The following SOCS5 variants were observed in gnomAD, a reference collection of about 807,000 sequenced individuals.
The protein encoded by SOCS5 is suppressor of cytokine signaling 5, also known as CIS-6.
Under a neutral mutation model 42.8 loss-of-function variants are expected in SOCS5, and 32 were observed. That is an observed-to-expected ratio of 0.75 (90% CI 0.56 to 1.01). The LOEUF (loss-of-function observed/expected upper bound fraction) is 1.01. Among genes scored for constraint, SOCS5 ranks in the 50% least tolerant of loss-of-function variants. The pLI is 0.00. For synonymous variants in SOCS5, 283 were observed against 229.6 expected, an observed-to-expected ratio of 1.23 and a Z score of -2.10; for missense variants, 627 against 653.0, an observed-to-expected ratio of 0.96 and a Z score of 0.43.
intron 1 of SOCS5, among the ~76,000 whole-genome samples, chr2:46,726,738 A>AATTATTATTATT (rs111456718): frequency 0.013 from 1,850 of 145,458 alleles, 40 homozygotes; most frequent in African/African-American, 0.044. Flanking sequence ...TTCAGTTCTA[A>AATTATTATTATT]ATTATTATTA....
At position 46,758,617 on chromosome 2, in the gene SOCS5, T is replaced by C. The variant is rs780324946; in HGVS notation, c.87T>C (p.Asn29=). Residue 29 remains asparagine (N), a synonymous_variant, in exon 2 of 2, where the codon AAT becomes AAC. Transcript: ENST00000394861. ...FGHEGGSRSE[N]VDMNSNRCLS... The stretch of plus-strand genomic sequence containing the variant: ...ATGAGGGAGGAAGCCGTAGTGAAAA[T>C]GTGGACATGAACTCCAACAGATGTT... 28 of 1,613,814 alleles carry C rather than the reference T, an allele frequency of 1.7e-5. No homozygotes were observed. The highest frequency in any genetic ancestry group is 2.3e-5 in the Non-Finnish European group (27 of 1,179,862).
chr2:46,718,805 A>G (rs1160055789), intron 1 of SOCS5, among the ~76,000 whole-genome samples: 1 of 152,188 alleles, frequency 6.6e-6, no homozygotes, highest in Non-Finnish European at 1.5e-5. Flanking sequence ...TAGGTCTCTC[A>G]CATAGAAAAG....
In SOCS5 at chr2:46,760,760, T is replaced by C. The variant is rs1289577298; in HGVS notation, c.*619T>C. On this transcript the variant is annotated 3_prime_UTR_variant, in exon 2 of 2. Transcript: ENST00000394861. Reference sequence around the variant, plus strand: ...AACCAGATTTTCTAAATAGGCATTCTTAAAATTTCAGACTTACAAAGCTAG... The same window carrying C: ...AACCAGATTTTCTAAATAGGCATTCCTAAAATTTCAGACTTACAAAGCTAG... 1 of 167,152 alleles carries C rather than the reference T, an allele frequency of 6.0e-6. No individual in the cohort carries two copies. The highest frequency in any genetic ancestry group is 2.4e-5 in the African/African-American group (1 of 41,466). 10.4% of individuals were successfully genotyped at this position (167,152 alleles called of 1,614,324 possible). A position where few individuals can be genotyped will look rare whatever the true frequency, so the allele number is the denominator to read the frequency against.
intron 1 of SOCS5, among the ~76,000 whole-genome samples, chr2:46,726,310 C>G (rs1672988165): frequency 1.3e-5 from 2 of 152,010 alleles, no homozygotes; most frequent in Non-Finnish European, 2.9e-5. Context: ...ACTGGCCAGA[C>G]TGATCTAAAA....
rs1369453022 is a variant in SOCS5, at chr2:46,699,366, C to T, written c.-96C>T. On this transcript the variant is annotated 5_prime_UTR_variant, in exon 1 of 2. Transcript: ENST00000394861. The surrounding 1 kb of genome is among the most constrained non-coding windows in gnomAD (Gnocchi z 4.8). ...GGACGCACCGGAGGGCAGGCGGACT[C>T]GCCCTGTCGGTGACTGCGCCGTCCG... 2 of 152,022 alleles carry T rather than the reference C, an allele frequency of 1.3e-5. No homozygotes were observed. Among genetic ancestry groups the T allele is most frequent in the East Asian group, 1.9e-4 (1 of 5,182 alleles). 9.4% of individuals were successfully genotyped at this position (152,022 alleles called of 1,614,324 possible).
At position 46,759,238 on chromosome 2, in the gene SOCS5, T is replaced by C; in HGVS notation, c.708T>C (p.His236=). ...AAAAATGGCATTTGATTAAACAGCA[T>C]ACAGCTCCTGTGAGCCCACATTCAA... The part of the protein sequence containing the change: ...LAQKWHLIKQ[H]TAPVSPHSTF... The change falls in exon 2 of 2, where the codon CAT becomes CAC. Residue 236 remains histidine (H), a synonymous_variant. Transcript: ENST00000394861. The C allele has an allele frequency of 6.2e-7, 1 of 1,614,000 alleles. No individual in the cohort carries two copies. Among genetic ancestry groups the C allele is most frequent in the Non-Finnish European group, 8.5e-7 (1 of 1,179,858 alleles).
In SOCS5 at chr2:46,759,419, T is replaced by C. The variant is rs376047819; in HGVS notation, c.889T>C (p.Tyr297His). The change falls in exon 2 of 2, where the codon TAT (tyrosine) becomes CAT (histidine). Residue 297 changes from tyrosine to histidine, a missense_variant. By Grantham distance (83) the Tyr-to-His change is moderately conservative. Around this residue, in one of 3 missense-constraint regions of SOCS5, gnomAD observed 340 missense variants for 367.6 expected, o/e 0.92. Transcript: ENST00000394861. ...AGCTACTGCACAGGTTAATCCATTA[T>C]ATAAACTGGGACCAAAATTAGCTCC... Reference protein sequence around the residue: ...FEATAQVNPLYKLGPKLAPGM... With the variant: ...FEATAQVNPLHKLGPKLAPGM... The C allele has an allele frequency of 2.5e-6, 4 of 1,613,856 alleles. No individual in the cohort carries two copies. The highest frequency in any genetic ancestry group is 3.4e-6 in the Non-Finnish European group (4 of 1,179,868).
intron 1 of SOCS5, among the ~76,000 whole-genome samples, chr2:46,731,213 G>T (rs1673111870): frequency 6.6e-6 from 1 of 152,146 alleles, no homozygotes; most frequent in Admixed American, 6.5e-5. Flanking sequence ...CCTTTGAGAG[G>T]TGATTAAGTT....
chr2:46,705,494 C>A (rs1477389410), intron 1 of SOCS5, among the ~76,000 whole-genome samples: 3 of 152,162 alleles, frequency 2.0e-5, no homozygotes, highest in Non-Finnish European at 4.4e-5. Context: ...TGTTGAAGGA[C>A]AGTGTGAAGA....
At chr2:46,715,298 G>A (rs1672712782) in intron 1 of SOCS5, among the ~76,000 whole-genome samples, 1 of 151,528 alleles carries the variant, frequency 6.6e-6, no homozygotes, top group Non-Finnish European at 1.5e-5. Context: ...CTTGAGCCTG[G>A]GCTGTCGAGG....
At chr2:46,731,512 GT>G (rs1558406236) in intron 1 of SOCS5, among the ~76,000 whole-genome samples, 1 of 152,184 alleles carries the variant, frequency 6.6e-6, no homozygotes, top group African/African-American at 2.4e-5. Context: ...CCCTCAAGGA[GT>G]TTACTGTCTA....
At chr2:46,713,317 C>T (rs553301386) in intron 1 of SOCS5, among the ~76,000 whole-genome samples, 65 of 152,338 alleles carry the variant, frequency 4.3e-4, no homozygotes, top group African/African-American at 1.5e-3. Context: ...GATCATGCCA[C>T]TGCACTCCAG....
At chr2:46,717,851 A>G (rs1349050371) in intron 1 of SOCS5, among the ~76,000 whole-genome samples, 1 of 152,084 alleles carries the variant, frequency 6.6e-6, no homozygotes, top group Non-Finnish European at 1.5e-5. Context: ...AAGCTTAGGT[A>G]GTTGTTTGGT....
At chr2:46,748,719 GTTA>G (rs1396564373) in intron 1 of SOCS5, among the ~76,000 whole-genome samples, 1 of 152,044 alleles carries the variant, frequency 6.6e-6, no homozygotes, top group Non-Finnish European at 1.5e-5. Flanking sequence ...TAAAAAAGTT[GTTA>G]TTATCAAAAC....
At chr2:46,717,494 A>G (rs1009695738) in intron 1 of SOCS5, among the ~76,000 whole-genome samples, 5 of 152,062 alleles carry the variant, frequency 3.3e-5, no homozygotes, top group African/African-American at 4.8e-5. Context: ...TTTTAAGGAT[A>G]TTCATGCCAG....
intron 1 of SOCS5, among the ~76,000 whole-genome samples, chr2:46,719,979 A>T (rs1672843769): frequency 6.6e-6 from 1 of 152,202 alleles, no homozygotes; most frequent in African/African-American, 2.4e-5. Context: ...ATTAAGAAAC[A>T]ATATCAAGCT....
intron 1 of SOCS5, among the ~76,000 whole-genome samples, chr2:46,724,589 G>A (rs1034494697): frequency 6.6e-6 from 1 of 151,708 alleles, no homozygotes; most frequent in African/African-American, 2.4e-5. Flanking sequence ...TTTTCAGTTC[G>A]AGATATTTTC....
chr2:46,716,832 G>A (rs556609127), intron 1 of SOCS5, among the ~76,000 whole-genome samples: 36 of 152,238 alleles, frequency 2.4e-4, no homozygotes, highest in African/African-American at 8.7e-4. Flanking sequence ...TTTGTTTGGG[G>A]AATTTTTGTT....
At chr2:46,746,966 A>G (rs1245174029) in intron 1 of SOCS5, among the ~76,000 whole-genome samples, 17 of 94,192 alleles carry the variant, frequency 1.8e-4, no homozygotes, top group African/African-American at 6.5e-4. Context: ...TGGCTGTTGC[A>G]TCTCTTTTGA....
Sources: allele counts gnomAD v4.1 joint callset (sites outside exome capture counted in the v4.1 genomes callset), GRCh38; gene constraint gnomAD v4.1.1; regional missense constraint gnomAD v4.1.1; non-coding constraint Gnocchi (gnomAD v3.1); transcripts MANE v1.5; gene names NCBI Gene and HGNC (gene_info 2026-07-23, HGNC 2026-07-21).